ST3GAL1: variants seen among roughly 807,000 people sequenced by gnomAD.
ST3GAL1 encodes ST3 beta-galactoside alpha-2,3-sialyltransferase 1, also known as CMP-N-acetylneuraminate-beta-galactosamide-alpha-2,3-sialyltransferase 1.
Under a neutral mutation model 34.1 loss-of-function variants are expected in ST3GAL1, and 16 were observed. The ratio of observed to expected loss-of-function variants is 0.47; its 90% CI spans 0.32 to 0.71. The LOEUF is 0.71. Ranked by LOEUF, ST3GAL1 falls within the 30% of genes least tolerant of loss-of-function variation. ST3GAL1 has a pLI of 0.04. For missense variants in ST3GAL1, 353 were observed against 447.4 expected (o/e 0.79, Z 1.90); for synonymous variants, 191 against 184.7 (o/e 1.03, Z -0.28).
rs750396881 is a variant in ST3GAL1, at chr8:133,556,761, C to G, written c.-581-10835G>C. Reference sequence around the variant, plus strand: ...AAAGTCTGTCCCTGGCAAATGTGACCCAGAATGCCACCACTAACAGTCCTA... The same window carrying G: ...AAAGTCTGTCCCTGGCAAATGTGACGCAGAATGCCACCACTAACAGTCCTA... On this transcript the variant is annotated intron_variant, in intron 1 of 9. Coordinates refer to ENST00000522652, the MANE Select transcript of ST3GAL1 (RefSeq NM_173344.3). This position sits in a 1 kb window ranked among gnomAD's most constrained non-coding sequence, Gnocchi z 8.9. 1.3e-5 allele frequency among the ~76,000 whole-genome samples: 2 copies of G among 152,090 alleles called. No individual in the cohort carries two copies. Among genetic ancestry groups the G allele is most frequent in the East Asian group, 1.9e-4 (1 of 5,190 alleles).
At chr8:133,528,392 G>A (rs1295392289) in intron 2 of ST3GAL1, among the ~76,000 whole-genome samples, 1 of 152,204 alleles carries the variant, frequency 6.6e-6, no homozygotes, top group Non-Finnish European at 1.5e-5. Context: ...CCTGTCCTGT[G>A]TCAGGCACTG....
At chr8:133,525,410 G>A (rs566035501) in intron 2 of ST3GAL1, among the ~76,000 whole-genome samples, 6 of 152,284 alleles carry the variant, frequency 3.9e-5, no homozygotes, top group African/African-American at 1.4e-4. Flanking sequence ...TCCATGGATG[G>A]CCATGGATGG....
intron 3 of ST3GAL1, among the ~76,000 whole-genome samples, chr8:133,482,175 G>A (rs956005184): frequency 2.0e-5 from 3 of 152,026 alleles, no homozygotes; most frequent in Non-Finnish European, 2.9e-5. Context: ...GGGGGTCTTC[G>A]CACCTCAAGT....
intron 3 of ST3GAL1, among the ~76,000 whole-genome samples, chr8:133,495,002 T>A (rs1816903001): frequency 7.0e-6 from 1 of 142,928 alleles, no homozygotes; most frequent in African/African-American, 2.6e-5. Context: ...CACTGCAACC[T>A]TCACCTCCTG....
At chr8:133,509,786 C>T (rs554473695) in intron 2 of ST3GAL1, among the ~76,000 whole-genome samples, 4 of 152,260 alleles carry the variant, frequency 2.6e-5, no homozygotes, top group Admixed American at 6.5e-5. Context: ...GACCAGGCAC[C>T]GTGGCTAACG....
Position 133,505,705 on chromosome 8 carries a change from C to T in ST3GAL1, c.-428-6516G>A, listed in dbSNP as rs553492178. 2.0e-5 allele frequency among the ~76,000 whole-genome samples: 3 copies of T among 151,946 alleles called. No individual in the cohort carries two copies. The East Asian group carries it at 5.8e-4, about 29-fold the overall frequency. On this transcript the variant is annotated intron_variant, in intron 2 of 9. Coordinates refer to ENST00000522652, the MANE Select transcript of ST3GAL1 (RefSeq NM_173344.3). ...GCAATCTCCACCTCCTGGGTTCAAG[C>T]GAGTCTCCTGCCTCAGTCTCCTGAG... is the stretch of plus-strand genomic sequence containing the variant.
At chr8:133,504,003 C>T (rs1269018999) in intron 2 of ST3GAL1, among the ~76,000 whole-genome samples, 1 of 152,172 alleles carries the variant, frequency 6.6e-6, no homozygotes, top group Non-Finnish European at 1.5e-5. Context: ...GCTGGTCCTG[C>T]TCAGGGAGGT....
At chr8:133,463,854 G>A (rs1181121227) in intron 7 of ST3GAL1, among the ~76,000 whole-genome samples, 1 of 152,176 alleles carries the variant, frequency 6.6e-6, no homozygotes, top group Non-Finnish European at 1.5e-5. Context: ...TCACCTGGGC[G>A]GTTGCATGCA....
At chr8:133,545,686 C>T (rs944088695) in intron 2 of ST3GAL1, 88 bp downstream of exon 2, 41 of 152,210 alleles carry the variant, frequency 2.7e-4, no homozygotes, top group African/African-American at 8.4e-4. Context: ...TCTTCCACAT[C>T]CTCCATGGAA....
chr8:133,471,344 G>GGGTGGACAGGT (rs1201600554), intron 5 of ST3GAL1, among the ~76,000 whole-genome samples: 2 of 124,480 alleles, frequency 1.6e-5, no homozygotes, highest in African/African-American at 3.1e-5. Flanking sequence ...TGGACAGGTG[G>GGGTGGACAGGT]GGTGGACAGG....
At chr8:133,569,940 G>A (rs1262103967) in intron 1 of ST3GAL1, among the ~76,000 whole-genome samples, 1 of 152,266 alleles carries the variant, frequency 6.6e-6, no homozygotes, top group African/African-American at 2.4e-5. Context: ...AAGCCTAAAG[G>A]GCTTGGTCGA....
At chr8:133,544,770 G>A (rs1454088781) in intron 2 of ST3GAL1, among the ~76,000 whole-genome samples, 1 of 152,192 alleles carries the variant, frequency 6.6e-6, no homozygotes, top group Non-Finnish European at 1.5e-5. Flanking sequence ...CCACAAGATG[G>A]CTCCCAAAGA....
intron 2 of ST3GAL1, among the ~76,000 whole-genome samples, chr8:133,525,760 C>T (rs1360721791): frequency 6.6e-6 from 1 of 152,200 alleles, no homozygotes; most frequent in Non-Finnish European, 1.5e-5. Flanking sequence ...ACACACCCAG[C>T]TGGGTTGCGA....
Position 133,570,428 on chromosome 8 carries a change from C to G in ST3GAL1, c.-582+1265G>C, listed in dbSNP as rs956509145. On this transcript the variant is annotated intron_variant, in intron 1 of 9. Coordinates refer to ENST00000522652, the MANE Select transcript of ST3GAL1 (RefSeq NM_173344.3). The surrounding 1 kb of genome is among the most constrained non-coding windows in gnomAD (Gnocchi z 5.6). ...ACGCAGTGACCTGCCCAACCCCCAC[C>G]CCCTTGCGCGCTTCTGGGTGCGCAC... 5 of 152,222 alleles carry G rather than the reference C, an allele frequency of 3.3e-5. No individual in the cohort carries two copies. Among genetic ancestry groups the G allele is most frequent in the African/African-American group, 7.2e-5 (3 of 41,442 alleles). 9.4% of individuals were successfully genotyped at this position (152,222 alleles called of 1,614,324 possible).
rs369538224 is a variant in ST3GAL1, at chr8:133,540,994, CAT to C, written c.-429+4778_-429+4779del. Among the ~76,000 whole-genome samples, 272 of 72,820 alleles carry C rather than the reference CAT, an allele frequency of 3.7e-3. 7 individuals carry two copies. The highest frequency in any genetic ancestry group is 0.013 in the East Asian group (30 of 2,356). The allele number at this position is 72,820 out of a possible 152,430, so 47.8% of individuals were successfully genotyped here. On this transcript the variant is annotated intron_variant, in intron 2 of 9. Transcript: ENST00000522652. ...ATATATATGCAGACATATATATAGA[CAT>C]ATATATATAGACATATATATGCAGA... is the stretch of plus-strand genomic sequence containing the variant.
chr8:133,546,524 G>T (rs1818677728), intron 1 of ST3GAL1, among the ~76,000 whole-genome samples: 1 of 148,354 alleles, frequency 6.7e-6, no homozygotes, highest in Non-Finnish European at 1.5e-5. Flanking sequence ...CCATCTAGAA[G>T]AAGAATTTGA....
At chr8:133,536,482 C>G (rs78963202) in intron 2 of ST3GAL1, among the ~76,000 whole-genome samples, 13,356 of 152,218 alleles carry the variant, frequency 0.088, 1,901 homozygotes, top group African/African-American at 0.3. Flanking sequence ...GATGGCCCCT[C>G]TCTTCTTGGG....
intron 7 of ST3GAL1, among the ~76,000 whole-genome samples, chr8:133,464,032 C>G (rs534046986): frequency 3.2e-4 from 48 of 151,978 alleles, no homozygotes; most frequent in African/African-American, 1.1e-3. Flanking sequence ...TCTCCTGCAC[C>G]CACATCCGGG....
At chr8:133,535,735 C>T (rs1177672141) in intron 2 of ST3GAL1, among the ~76,000 whole-genome samples, 2 of 152,024 alleles carry the variant, frequency 1.3e-5, no homozygotes, top group Non-Finnish European at 2.9e-5. Flanking sequence ...GCAATCTGCC[C>T]GCCCCAGCCT....
Sources: allele counts gnomAD v4.1 joint callset (sites outside exome capture counted in the v4.1 genomes callset), GRCh38; gene constraint gnomAD v4.1.1; non-coding constraint Gnocchi (gnomAD v3.1); transcripts MANE v1.5; gene names NCBI Gene and HGNC (gene_info 2026-07-23, HGNC 2026-07-21).